Variants in FAM135B observed in about 807,000 individuals in gnomAD.
FAM135B encodes the protein protein FAM135B.
A neutral mutation model predicts 127.7 loss-of-function variants in FAM135B; 43 were observed. The observed-to-expected ratio is 0.34, with a 90% CI of 0.26 to 0.43. The LOEUF is 0.43. Ranked by LOEUF, FAM135B falls within the 20% of genes least tolerant of loss-of-function variation. The probability of loss-of-function intolerance (pLI) is 1.00; values close to 1 mark genes in which losing one functional copy is unlikely to be tolerated. For synonymous variants in FAM135B, 670 were observed against 665.1 expected, an observed-to-expected ratio of 1.01 and a Z score of -0.11; for missense variants, 1,558 against 1,725.6, an observed-to-expected ratio of 0.90 and a Z score of 1.72.
chr8:138,392,054 A>G (rs1193378030), intron 1 of FAM135B, among the ~76,000 whole-genome samples: 1 of 152,188 alleles, frequency 6.6e-6, no homozygotes, highest in African/African-American at 2.4e-5. Context: ...CTCAATATTA[A>G]TTCATTAATT....
intron 1 of FAM135B, among the ~76,000 whole-genome samples, chr8:138,409,367 T>C (rs1216856695): frequency 1.3e-5 from 2 of 151,828 alleles, no homozygotes; most frequent in South Asian, 2.1e-4. Flanking sequence ...ACAATTACAA[T>C]AGTAACATCA....
intron 3 of FAM135B, among the ~76,000 whole-genome samples, chr8:138,274,700 G>A (rs1408384407): frequency 6.6e-6 from 1 of 152,098 alleles, no homozygotes; most frequent in African/African-American, 2.4e-5. Flanking sequence ...CCAGTTCAGA[G>A]ACCTACCCCC....
intron 2 of FAM135B, among the ~76,000 whole-genome samples, chr8:138,316,730 C>G (rs1489824011): frequency 6.6e-6 from 1 of 152,188 alleles, no homozygotes; most frequent in Admixed American, 6.5e-5. Flanking sequence ...CCTGTAATCC[C>G]ACCACTTTGG....
intron 1 of FAM135B, among the ~76,000 whole-genome samples, chr8:138,496,462 CCTT>C (rs935228130): frequency 3.0e-4 from 46 of 152,336 alleles, no homozygotes; most frequent in African/African-American, 1.1e-3. Flanking sequence ...CAGCCCTGGC[CCTT>C]CTTATCCCCT....
intron 2 of FAM135B, among the ~76,000 whole-genome samples, chr8:138,327,225 C>T (rs1324755142): frequency 1.3e-5 from 2 of 152,142 alleles, no homozygotes; most frequent in East Asian, 3.9e-4. Context: ...CCAGTTCTTG[C>T]AAGTCAACCG....
intron 12 of FAM135B, among the ~76,000 whole-genome samples, chr8:138,163,816 T>C (rs1819643170): frequency 6.6e-6 from 1 of 152,028 alleles, no homozygotes; most frequent in African/African-American, 2.4e-5. Context: ...CTATTATGGC[T>C]TTTGTTAGTT....
intron 1 of FAM135B, among the ~76,000 whole-genome samples, chr8:138,471,332 T>G (rs1837665946): frequency 6.6e-6 from 1 of 152,094 alleles, no homozygotes; most frequent in South Asian, 2.1e-4. Flanking sequence ...CACCACAGAT[T>G]TGGGGCAGAG....
At chr8:138,449,251 C>T (rs1564011746) in intron 1 of FAM135B, among the ~76,000 whole-genome samples, 1 of 152,148 alleles carries the variant, frequency 6.6e-6, no homozygotes. Flanking sequence ...AAAAGACAAG[C>T]ACAGGCTGCT....
chr8:138,349,595 G>A (rs1829645960), intron 2 of FAM135B, among the ~76,000 whole-genome samples: 1 of 152,040 alleles, frequency 6.6e-6, no homozygotes, highest in Non-Finnish European at 1.5e-5. Context: ...TTGACATACG[G>A]CTGGCCACAA....
At chr8:138,159,386 A>T (rs1346609179) in intron 12 of FAM135B, among the ~76,000 whole-genome samples, 4 of 151,284 alleles carry the variant, frequency 2.6e-5, no homozygotes. Context: ...TGGATGAAGA[A>T]AATGTGGCAC....
intron 1 of FAM135B, among the ~76,000 whole-genome samples, chr8:138,419,834 A>G (rs1020372239): frequency 1.3e-5 from 2 of 152,156 alleles, no homozygotes; most frequent in African/African-American, 4.8e-5. Context: ...AATCTCTGAG[A>G]TACAGCTAAA....
At chr8:138,197,899 T>C (rs1286362323) in intron 7 of FAM135B, among the ~76,000 whole-genome samples, 1 of 152,162 alleles carries the variant, frequency 6.6e-6, no homozygotes, top group African/African-American at 2.4e-5. Flanking sequence ...AACACTGAAA[T>C]CTGCCACACC....
intron 1 of FAM135B, among the ~76,000 whole-genome samples, chr8:138,379,725 C>T (rs1000633382): frequency 2.0e-5 from 3 of 152,144 alleles, no homozygotes; most frequent in African/African-American, 4.8e-5. Context: ...ATCTCTCCTC[C>T]TTGAGAAACT....
At chr8:138,228,236 G>A (rs1819626622) in intron 7 of FAM135B, among the ~76,000 whole-genome samples, 1 of 149,684 alleles carries the variant, frequency 6.7e-6, no homozygotes, top group Admixed American at 6.7e-5. Flanking sequence ...GTAGACATCA[G>A]AATCATGGGG....
chr8:138,233,353 T>G (rs571638190), intron 7 of FAM135B, among the ~76,000 whole-genome samples: 1 of 152,248 alleles, frequency 6.6e-6, no homozygotes, highest in South Asian at 2.1e-4. Flanking sequence ...AATAGAAAAC[T>G]AAGAAATGAA....
chr8:138,203,332 G>T (rs904912104), intron 7 of FAM135B, among the ~76,000 whole-genome samples: 3 of 151,974 alleles, frequency 2.0e-5, no homozygotes, highest in African/African-American at 7.3e-5. Context: ...CTTCCTGAAT[G>T]GACCCCACTT....
intron 1 of FAM135B, among the ~76,000 whole-genome samples, chr8:138,435,950 T>C (rs1835431191): frequency 6.6e-6 from 1 of 152,178 alleles, no homozygotes; most frequent in African/African-American, 2.4e-5. Flanking sequence ...TTGTTCTCCT[T>C]GTCTTTTTGA....
chr8:138,356,854 A>C (rs1232249228), intron 2 of FAM135B, among the ~76,000 whole-genome samples: 1 of 152,190 alleles, frequency 6.6e-6, no homozygotes, highest in Non-Finnish European at 1.5e-5. Context: ...TAAAAAGTGC[A>C]GATCCATTAC....
chr8:138,355,270 C>A (rs1371307374), intron 2 of FAM135B, among the ~76,000 whole-genome samples: 2 of 152,144 alleles, frequency 1.3e-5, no homozygotes, highest in Non-Finnish European at 1.5e-5. Context: ...ACATGCACAC[C>A]TATGTTTACT....
Sources: allele counts gnomAD v4.1 joint callset (sites outside exome capture counted in the v4.1 genomes callset), GRCh38; gene constraint gnomAD v4.1.1; transcripts MANE v1.5; gene names NCBI Gene and HGNC (gene_info 2026-07-23, HGNC 2026-07-21).